Variants in CYP39A1 observed in about 807,000 individuals in gnomAD.
CYP39A1 encodes cytochrome P450 family 39 subfamily A member 1, also known as 24-hydroxycholesterol 7-alpha-hydroxylase.
A neutral mutation model predicts 58.1 loss-of-function variants in CYP39A1; 49 were observed. The ratio of observed to expected loss-of-function variants is 0.84; its 90% CI spans 0.67 to 1.07. CYP39A1 has a LOEUF of 1.07. Ranked by LOEUF, CYP39A1 falls within the 50% of genes least tolerant of loss-of-function variation. The pLI is 0.00. For synonymous variants in CYP39A1, 209 were observed against 187.6 expected (o/e 1.11, Z -0.93); for missense variants, 531 against 539.4 (o/e 0.98, Z 0.16).
At chr6:46,621,422 G>A (rs9472805) in intron 7 of CYP39A1, among the ~76,000 whole-genome samples, 29,062 of 151,984 alleles carry the variant, frequency 0.19, 2,993 homozygotes, top group African/African-American at 0.27. Flanking sequence ...TGACAAATAT[G>A]TAGCTACAAT....
At chr6:46,637,553 TA>T (rs1776066086) in intron 4 of CYP39A1, among the ~76,000 whole-genome samples, 1 of 152,186 alleles carries the variant, frequency 6.6e-6, no homozygotes, top group Admixed American at 6.5e-5. Flanking sequence ...AGTGCAATAA[TA>T]AAAAGCTGTA....
intron 7 of CYP39A1, among the ~76,000 whole-genome samples, chr6:46,604,116 T>C: frequency 6.6e-6 from 1 of 152,216 alleles, no homozygotes; most frequent in East Asian, 1.9e-4. Context: ...GGAAAATGTC[T>C]TTGTTTAGAA....
intron 8 of CYP39A1, among the ~76,000 whole-genome samples, chr6:46,592,445 G>T (rs1334269160): frequency 4.6e-5 from 7 of 152,094 alleles, no homozygotes; most frequent in Non-Finnish European, 1.0e-4. Flanking sequence ...AATCTTGAAA[G>T]AACCAAATTG....
chr6:46,622,008 G>A (rs7768852), intron 7 of CYP39A1, among the ~76,000 whole-genome samples: 29,068 of 152,082 alleles, frequency 0.19, 2,987 homozygotes, highest in African/African-American at 0.27. Context: ...TTCAAGACCT[G>A]AAAATCAATT....
chr6:46,581,877 A>G (rs926602634), intron 10 of CYP39A1, among the ~76,000 whole-genome samples: 3 of 152,230 alleles, frequency 2.0e-5, no homozygotes, highest in African/African-American at 7.2e-5. Context: ...TGAAGTATCA[A>G]AATGAAATGG....
chr6:46,607,979 T>A (rs1187293110), intron 7 of CYP39A1, among the ~76,000 whole-genome samples: 1 of 152,002 alleles, frequency 6.6e-6, no homozygotes, highest in Non-Finnish European at 1.5e-5. Flanking sequence ...GTGCAAAAGA[T>A]CATAGTGCAC....
intron 10 of CYP39A1, among the ~76,000 whole-genome samples, chr6:46,572,474 G>A (rs1475801580): frequency 2.0e-5 from 3 of 152,096 alleles, no homozygotes; most frequent in Admixed American, 6.6e-5. Context: ...TCTTTCAGTA[G>A]TTTGAATATA....
chr6:46,612,958 C>G (rs1224484760), intron 7 of CYP39A1, among the ~76,000 whole-genome samples: 1 of 152,106 alleles, frequency 6.6e-6, no homozygotes, highest in Non-Finnish European at 1.5e-5. Flanking sequence ...TATTGGTTGG[C>G]AAGATGGTGC....
chr6:46,625,374 C>T, intron 7 of CYP39A1, 44 bp downstream of exon 7: 1 of 1,343,778 alleles, frequency 7.4e-7, no homozygotes, highest in Non-Finnish European at 1.0e-6. Context: ...GTGTGACAAA[C>T]ATGCATTATT....
chr6:46,571,706 A>G (rs1771592897), intron 10 of CYP39A1, among the ~76,000 whole-genome samples: 1 of 151,782 alleles, frequency 6.6e-6, no homozygotes, highest in Admixed American at 6.6e-5. Flanking sequence ...TTTTGACTAC[A>G]TAATTCAATC....
chr6:46,646,022 C>T (rs1582471413), intron 1 of CYP39A1, among the ~76,000 whole-genome samples: 1 of 151,972 alleles, frequency 6.6e-6, no homozygotes, highest in African/African-American at 2.4e-5. Flanking sequence ...TTTTTGTAGA[C>T]TCCTTGGGAT....
intron 10 of CYP39A1, among the ~76,000 whole-genome samples, chr6:46,563,699 TAC>T (rs1206621458): frequency 1.3e-5 from 2 of 152,136 alleles, no homozygotes; most frequent in African/African-American, 4.8e-5. Flanking sequence ...AAACTTGAGC[TAC>T]ACCATGAGGG....
chr6:46,601,251 A>G (rs954898749), intron 7 of CYP39A1, among the ~76,000 whole-genome samples: 1 of 152,044 alleles, frequency 6.6e-6, no homozygotes, highest in African/African-American at 2.4e-5. Context: ...ACATCATTCC[A>G]TCTCCATTGC....
At chr6:46,567,340 A>ATG (rs61224737) in intron 10 of CYP39A1, among the ~76,000 whole-genome samples, 28,708 of 151,654 alleles carry the variant, frequency 0.19, 5,378 homozygotes, top group African/African-American at 0.48. Context: ...AATATTCCAT[A>ATG]TATATATATA....
intron 1 of CYP39A1, among the ~76,000 whole-genome samples, chr6:46,644,184 T>A (rs1313099363): frequency 6.6e-6 from 1 of 152,210 alleles, no homozygotes; most frequent in African/African-American, 2.4e-5. Flanking sequence ...TGTTCTCCAC[T>A]TCTATAACTT....
chr6:46,577,312 C>T (rs144807631), intron 10 of CYP39A1, among the ~76,000 whole-genome samples: 28 of 152,174 alleles, frequency 1.8e-4, no homozygotes, highest in African/African-American at 5.3e-4. Context: ...CATTATCTGC[C>T]GCCACAAAAA....
chr6:46,612,702 T>A (rs992160161), intron 7 of CYP39A1, among the ~76,000 whole-genome samples: 7 of 152,184 alleles, frequency 4.6e-5, no homozygotes, highest in African/African-American at 1.7e-4. Flanking sequence ...GATAATTTTT[T>A]AAAATAAAAT....
At chr6:46,604,128 ACATTATAAT>A (rs1412856018) in intron 7 of CYP39A1, among the ~76,000 whole-genome samples, 1 of 152,228 alleles carries the variant, frequency 6.6e-6, no homozygotes, top group Non-Finnish European at 1.5e-5. Flanking sequence ...TGTTTAGAAT[ACATTATAAT>A]CATCTTCGAA....
At chr6:46,639,113 A>G (rs1471573246) in intron 3 of CYP39A1, among the ~76,000 whole-genome samples, 1 of 152,210 alleles carries the variant, frequency 6.6e-6, no homozygotes, top group East Asian at 1.9e-4. Flanking sequence ...TCTCATTCTA[A>G]TAATAGCAAA....
Sources: allele counts gnomAD v4.1 joint callset (sites outside exome capture counted in the v4.1 genomes callset), GRCh38; gene constraint gnomAD v4.1.1; transcripts MANE v1.5; gene names NCBI Gene and HGNC (gene_info 2026-07-23, HGNC 2026-07-21).